The following TAF1B variants were observed in gnomAD, a reference collection of about 807,000 sequenced individuals.
The protein encoded by TAF1B is TATA box-binding protein-associated factor RNA polymerase I subunit B.
In TAF1B, 61 loss-of-function variants were observed where a neutral mutation model predicts 83.9. The observed-to-expected ratio is 0.73, with a 90% CI of 0.59 to 0.90. The LOEUF is 0.90. Among genes scored for constraint, TAF1B ranks in the 40% least tolerant of loss-of-function variants. The pLI, the probability that TAF1B is intolerant of heterozygous loss-of-function variation, is 0.00. For missense variants in TAF1B, 625 were observed against 677.0 expected (o/e 0.92, Z 0.85); for synonymous variants, 221 against 224.6 (o/e 0.98, Z 0.14).
intron 14 of TAF1B, among the ~76,000 whole-genome samples, chr2:9,925,406 C>G (rs1666005912): frequency 6.6e-6 from 1 of 152,064 alleles, no homozygotes; most frequent in African/African-American, 2.4e-5. Context: ...TGCCACTGCA[C>G]TCCAGCCTGG....
At chr2:9,925,345 T>A (rs1375216511) in intron 14 of TAF1B, among the ~76,000 whole-genome samples, 1 of 151,676 alleles carries the variant, frequency 6.6e-6, no homozygotes, top group Non-Finnish European at 1.5e-5. Context: ...GAGGCTGAGG[T>A]AGGAGAATGG....
At chr2:9,874,205 T>C (rs1460342279) in intron 6 of TAF1B, among the ~76,000 whole-genome samples, 1 of 152,160 alleles carries the variant, frequency 6.6e-6, no homozygotes, top group Non-Finnish European at 1.5e-5. Context: ...CATGATGCTC[T>C]CACTACACTG....
intron 5 of TAF1B, among the ~76,000 whole-genome samples, chr2:9,856,697 G>GT (rs1663576834): frequency 6.6e-6 from 1 of 151,800 alleles, no homozygotes; most frequent in Admixed American, 6.6e-5. Context: ...GTTAACTTAA[G>GT]TTTTTTTTAA....
At chr2:9,861,755 AG>A (rs1222043683) in intron 5 of TAF1B, among the ~76,000 whole-genome samples, 2 of 152,220 alleles carry the variant, frequency 1.3e-5, no homozygotes, top group African/African-American at 2.4e-5. Flanking sequence ...AAACTTCCAG[AG>A]GAACGATCAG....
At chr2:9,866,263 A>C (rs1303688553) in intron 5 of TAF1B, among the ~76,000 whole-genome samples, 1 of 152,240 alleles carries the variant, frequency 6.6e-6, no homozygotes, top group Non-Finnish European at 1.5e-5. Flanking sequence ...AACCCCATGA[A>C]ATGTGGGCAA....
intron 8 of TAF1B, among the ~76,000 whole-genome samples, chr2:9,891,226 C>A (rs1451660294): frequency 2.0e-5 from 3 of 152,220 alleles, no homozygotes; most frequent in Non-Finnish European, 2.9e-5. Context: ...AACTTCTTAG[C>A]ACAACACATT....
chr2:9,933,939 T>C lies in TAF1B; in HGVS notation c.1722T>C (p.Ser574=). Residue 574 remains serine, a synonymous_variant, in exon 15 of 15, where the codon AGT becomes AGC. Coordinates refer to ENST00000263663, the MANE Select transcript of TAF1B (RefSeq NM_005680.3). ...VEKKLFEKKY[S]VKRKKSRSKK... is the part of the protein sequence containing the mutation. Reference sequence around the variant, plus strand: ...AGAAACTTTTTGAGAAAAAATACAGTGTAAAAAGAAAGAAATCAAGATCCA... The same window carrying C: ...AGAAACTTTTTGAGAAAAAATACAGCGTAAAAAGAAAGAAATCAAGATCCA... The C allele has an allele frequency of 1.9e-6, 3 of 1,610,128 alleles. No individual in the cohort carries two copies. The highest frequency in any genetic ancestry group is 2.5e-6 in the Non-Finnish European group (3 of 1,178,834).
chr2:9,899,448 A>G (rs1665115865), intron 8 of TAF1B, among the ~76,000 whole-genome samples: 1 of 152,190 alleles, frequency 6.6e-6, no homozygotes, highest in African/African-American at 2.4e-5. Context: ...TATAAAATAT[A>G]TATACATTTA....
At chr2:9,890,804 C>T (rs1053795995) in intron 8 of TAF1B, among the ~76,000 whole-genome samples, 17 of 152,066 alleles carry the variant, frequency 1.1e-4, no homozygotes, top group African/African-American at 4.1e-4. Context: ...GAGTTTCCCT[C>T]TTGTTGCCCA....
chr2:9,898,770 C>T (rs947973157), intron 8 of TAF1B, among the ~76,000 whole-genome samples: 1 of 151,934 alleles, frequency 6.6e-6, no homozygotes, highest in South Asian at 2.1e-4. Flanking sequence ...TAAGAGGTTT[C>T]GTGTAAGATA....
intron 14 of TAF1B, among the ~76,000 whole-genome samples, chr2:9,920,248 C>T (rs549928484): frequency 7.9e-5 from 12 of 152,280 alleles, no homozygotes; most frequent in South Asian, 2.1e-4. Flanking sequence ...AATACTGATA[C>T]GATACCTTTA....
In TAF1B at chr2:9,905,088, G is replaced by A; in HGVS notation, c.955+82G>A. 2.3e-6 allele frequency: 3 copies of A among 1,305,266 alleles called. No homozygotes were observed. The South Asian group carries it at 4.2e-5, about 18-fold the overall frequency. 80.9% of individuals were successfully genotyped at this position (1,305,266 alleles called of 1,614,324 possible). On this transcript the variant is annotated intron_variant, in intron 9 of 14. Coordinates refer to ENST00000263663, the MANE Select transcript of TAF1B (RefSeq NM_005680.3). ...GAGTATAGAATCTTTTCAAATCACA[G>A]ACTATTAGAACCACCTGAAAAGGTC...
intron 7 of TAF1B, among the ~76,000 whole-genome samples, chr2:9,880,865 T>C (rs1019052668): frequency 6.6e-6 from 1 of 152,134 alleles, no homozygotes; most frequent in Non-Finnish European, 1.5e-5. Flanking sequence ...TATAAAATAA[T>C]ATTAAACCAA....
At chr2:9,904,139 G>A (rs1665272776) in intron 8 of TAF1B, among the ~76,000 whole-genome samples, 3 of 151,844 alleles carry the variant, frequency 2.0e-5, no homozygotes, top group Admixed American at 2.0e-4. Flanking sequence ...TTTGATTTTA[G>A]GTTCAAGGGG....
intron 1 of TAF1B, among the ~76,000 whole-genome samples, chr2:9,845,000 G>A (rs1274033247): frequency 6.7e-6 from 1 of 150,202 alleles, no homozygotes; most frequent in Non-Finnish European, 1.5e-5. Context: ...TTTTTTTCCT[G>A]TCACACTGCA....
intron 8 of TAF1B, among the ~76,000 whole-genome samples, chr2:9,891,596 C>T (rs376037609): frequency 3.3e-5 from 5 of 152,118 alleles, no homozygotes; most frequent in Middle Eastern, 6.8e-3. Context: ...AAAAAGTTAA[C>T]AGCCTCAGGC....
At chr2:9,912,647 C>T (rs775770552) in intron 11 of TAF1B, among the ~76,000 whole-genome samples, 7 of 152,192 alleles carry the variant, frequency 4.6e-5, no homozygotes, top group Non-Finnish European at 8.8e-5. Context: ...TCCATGCTGT[C>T]AGCAGGGCAA....
chr2:9,907,044 G>T (rs1665366782), intron 9 of TAF1B, among the ~76,000 whole-genome samples: 1 of 151,726 alleles, frequency 6.6e-6, no homozygotes, highest in African/African-American at 2.4e-5. Flanking sequence ...TACCTGGCTA[G>T]TTTTTTTTAT....
At chr2:9,868,724 G>A in intron 6 of TAF1B, 1 of 549,480 alleles carries the variant, frequency 1.8e-6, no homozygotes, top group South Asian at 1.6e-5. Flanking sequence ...CTATATGTGT[G>A]GGCTCAGCGT....
Sources: allele counts gnomAD v4.1 joint callset (sites outside exome capture counted in the v4.1 genomes callset), GRCh38; gene constraint gnomAD v4.1.1; transcripts MANE v1.5; gene names NCBI Gene and HGNC (gene_info 2026-07-23, HGNC 2026-07-21).